Variants in RADIL observed in about 807,000 individuals in gnomAD.
The protein encoded by RADIL is ras-associating and dilute domain-containing protein.
A neutral mutation model predicts 97.6 loss-of-function variants in RADIL; 99 were observed. The ratio of observed to expected loss-of-function variants is 1.01; its 90% CI spans 0.86 to 1.20. The LOEUF is 1.20. Ranked by LOEUF, RADIL falls within the 50% of genes most tolerant of loss-of-function variation. The pLI is 0.00. For synonymous variants in RADIL, 803 were observed against 691.8 expected (o/e 1.16, Z -2.52); for missense variants, 1,765 against 1,498.9 (o/e 1.18, Z -2.93).
Position 4,849,001 on chromosome 7 carries a change from G to A in RADIL, c.536-12396C>T, listed in dbSNP as rs140526971. On this transcript the variant is annotated intron_variant, in intron 2 of 14. Coordinates refer to ENST00000399583, the MANE Select transcript of RADIL (RefSeq NM_018059.5). This position sits in a 1 kb window ranked among gnomAD's most constrained non-coding sequence, Gnocchi z 5.4. ...TGAAAATACAAAATTAGCCGGGCGT[G>A]GTGGCATATGCCTGTAATCCCAGCT... 5.6e-3 allele frequency among the ~76,000 whole-genome samples: 847 copies of A among 152,210 alleles called. 4 individuals carry two copies. The highest frequency in any genetic ancestry group is 0.019 in the African/African-American group (801 of 41,528).
chr7:4,857,166 G>C (rs769734027), intron 2 of RADIL, among the ~76,000 whole-genome samples: 71 of 152,298 alleles, frequency 4.7e-4, no homozygotes, highest in Non-Finnish European at 8.5e-4. Context: ...GTGCAGACAA[G>C]TTTTAAATCA....
At chr7:4,843,003 ATTTTTTT>A (rs376252570) in intron 2 of RADIL, among the ~76,000 whole-genome samples, 1 of 127,342 alleles carries the variant, frequency 7.9e-6, no homozygotes, top group Admixed American at 8.0e-5. Flanking sequence ...GCAAGAGACA[ATTTTTTT>A]TTTTTTTTTT....
Position 4,835,185 on chromosome 7 carries a change from G to T in RADIL, c.838C>A (p.Pro280Thr). Residue 280 changes from proline (P) to threonine (T), a missense_variant, in exon 4 of 15, where the codon CCC (proline) becomes ACC (threonine). Pro to Thr is a conservative substitution (Grantham distance 38, BLOSUM62 -1). Coordinates refer to ENST00000399583, the MANE Select transcript of RADIL (RefSeq NM_018059.5). This position sits in a 1 kb window ranked among gnomAD's most constrained non-coding sequence, Gnocchi z 5.8. ...RDRHTVGQRT[P>T]SSKPSISLSA... ...AGGCTGATGCTGGGCTTGCTGGAGG[G>T]GGTCCGCTGGCCCACCGTGTGCCGG... is the stretch of plus-strand genomic sequence containing the variant. The T allele has an allele frequency of 6.2e-7, 1 of 1,612,084 alleles. No individual in the cohort carries two copies.
intron 2 of RADIL, among the ~76,000 whole-genome samples, chr7:4,862,752 C>T (rs541997131): frequency 1.3e-5 from 2 of 152,154 alleles, no homozygotes; most frequent in East Asian, 3.9e-4. Flanking sequence ...ACAAAATTAG[C>T]CGGGCGTGGT....
intron 13 of RADIL, 29 bp downstream of exon 13, chr7:4,800,142 G>A: frequency 1.3e-6 from 2 of 1,591,356 alleles, no homozygotes; most frequent in Non-Finnish European, 1.7e-6. Flanking sequence ...GCCAGTATGG[G>A]GGTGCGGCGA....
chr7:4,808,404 G>A (rs906463205), intron 9 of RADIL, among the ~76,000 whole-genome samples: 9 of 152,000 alleles, frequency 5.9e-5, no homozygotes, highest in Non-Finnish European at 8.8e-5. Context: ...GAAGCTATAA[G>A]TGACTCTTTC....
chr7:4,878,213 A>G lies in RADIL; in HGVS notation c.-64-10T>C, dbSNP rs1784414031. 2.8e-6 allele frequency: 4 copies of G among 1,412,952 alleles called. No homozygotes were observed. Among genetic ancestry groups the G allele is most frequent in the African/African-American group, 1.5e-5 (1 of 68,928 alleles). The allele number at this position is 1,412,952 out of a possible 1,614,324, so 87.5% of individuals were successfully genotyped here. A position where few individuals can be genotyped will look rare whatever the true frequency, so the allele number is the denominator to read the frequency against. ...GTGGGGAGGCCGTGACCTGGGTGAAAAAGTGAGAGAGGTTAGCGCCAACCA... is the reference window on the plus strand; with the variant it reads ...GTGGGGAGGCCGTGACCTGGGTGAAGAAGTGAGAGAGGTTAGCGCCAACCA... On this transcript the variant is annotated splice_polypyrimidine_tract_variant and intron_variant, in intron 1 of 14. Coordinates refer to ENST00000399583, the MANE Select transcript of RADIL (RefSeq NM_018059.5). This position sits in a 1 kb window ranked among gnomAD's most constrained non-coding sequence, Gnocchi z 4.1.
chr7:4,869,619 G>A (rs1180878128), intron 2 of RADIL, among the ~76,000 whole-genome samples: 1 of 150,928 alleles, frequency 6.6e-6, no homozygotes, highest in Non-Finnish European at 1.5e-5. Flanking sequence ...TATGATGCAT[G>A]CTATAGCCCA....
intron 2 of RADIL, among the ~76,000 whole-genome samples, chr7:4,841,157 C>A (rs576558550): frequency 6.6e-6 from 1 of 152,366 alleles, no homozygotes; most frequent in Admixed American, 6.5e-5. Flanking sequence ...AGCCAGAATA[C>A]GCCCATGTCT....
chr7:4,862,181 C>T (rs1224506646), intron 2 of RADIL, among the ~76,000 whole-genome samples: 1 of 152,242 alleles, frequency 6.6e-6, no homozygotes, highest in Non-Finnish European at 1.5e-5. Flanking sequence ...CAAACTCAAC[C>T]CTTTATTGCC....
chr7:4,810,356 G>C (rs1782505959), intron 9 of RADIL, among the ~76,000 whole-genome samples: 1 of 151,768 alleles, frequency 6.6e-6, no homozygotes, highest in African/African-American at 2.4e-5. Flanking sequence ...AGATGATGTG[G>C]GGTGGTCTTA....
At chr7:4,870,674 C>T (rs1784232035) in intron 2 of RADIL, among the ~76,000 whole-genome samples, 1 of 152,206 alleles carries the variant, frequency 6.6e-6, no homozygotes, top group Admixed American at 6.5e-5. Flanking sequence ...GAACTCCTGA[C>T]CTCAGGTGAT....
rs1562427693 is a variant in RADIL at position 4,805,548 on chromosome 7, C to A, written c.2290+18G>T. ...CCACTGAGTCCCCAGCCCTCTCCTG[C>A]CCTGGGGCAGGGCTTACCTGACCTG... On this transcript the variant is annotated intron_variant, in intron 10 of 14. Transcript: ENST00000399583. The A allele has an allele frequency of 7.0e-6, 11 of 1,569,576 alleles. No individual in the cohort carries two copies. The East Asian group carries it at 1.8e-4, about 26-fold the overall frequency.
chr7:4,806,366 TTGGTCTCAAACTCC>T (rs553593854), intron 9 of RADIL, among the ~76,000 whole-genome samples: 16 of 152,240 alleles, frequency 1.1e-4, no homozygotes, highest in East Asian at 9.6e-4. Context: ...TCTCACTATG[TTGGTCTCAAACTCC>T]TGGTCTCAAA....
rs913717702 is a variant in RADIL at position 4,803,901 on chromosome 7, G to C, written c.2291-147C>G. On this transcript the variant is annotated intron_variant, in intron 10 of 14. Transcript: ENST00000399583. ...GTGGACACAGGAGGCTGGGATCCTG[G>C]CCACAGTGACTGGCCCCACCCTAGG... 4.1e-5 allele frequency: 32 copies of C among 777,254 alleles called. No homozygotes were observed. The African/African-American group carries it at 4.8e-4, about 12-fold the overall frequency. 48.1% of individuals were successfully genotyped at this position (777,254 alleles called of 1,614,324 possible). A position where few individuals can be genotyped will look rare whatever the true frequency, so the allele number is the denominator to read the frequency against.
chr7:4,839,188 C>A (rs187069303), intron 2 of RADIL, among the ~76,000 whole-genome samples: 7 of 152,232 alleles, frequency 4.6e-5, no homozygotes, highest in Non-Finnish European at 7.3e-5. Flanking sequence ...CCTAAAACAC[C>A]GCTGTATATA....
chr7:4,860,827 G>A, intron 2 of RADIL: 2 of 1,614,148 alleles, frequency 1.2e-6, no homozygotes, highest in Middle Eastern at 1.6e-4. Flanking sequence ...TAGACACGTT[G>A]TATGTGGAGT....
chr7:4,877,972 G>GT lies in RADIL; in HGVS notation c.167_168insA (p.Thr57HisfsTer35), dbSNP rs1784408769. On this transcript the variant is annotated frameshift_variant, in exon 2 of 15. Transcript: ENST00000399583. LOFTEE classifies it high-confidence loss of function. Reference sequence around the variant, plus strand: ...GGACACCAGGGGCCGACAGCTGGGTGGAGAGCTCGGCGGGGTCATCGCTGG... The same window carrying GT: ...GGACACCAGGGGCCGACAGCTGGGTGTGAGAGCTCGGCGGGGTCATCGCTGG... 6.2e-7 allele frequency: 1 copy of GT among 1,611,820 alleles called. No homozygotes were observed. Among genetic ancestry groups the GT allele is most frequent in the East Asian group, 2.2e-5 (1 of 44,870 alleles).
Position 4,872,496 on chromosome 7 carries a change from C to T in RADIL, c.535+5109G>A, listed in dbSNP as rs1784278606. 6.6e-6 allele frequency among the ~76,000 whole-genome samples: 1 copy of T among 152,134 alleles called. No homozygotes were observed. On this transcript the variant is annotated intron_variant, in intron 2 of 14. Transcript: ENST00000399583. This position sits in a 1 kb window ranked among gnomAD's most constrained non-coding sequence, Gnocchi z 5.8. ...GACAAAAACCACATGGCCCTGTCAT[C>T]GCCCCTCCCCAGTGCATCTAAGTGG...
Sources: gnomAD v4.1 joint callset for allele counts (sites outside exome capture counted in the v4.1 genomes callset) on GRCh38, gnomAD v4.1.1 for gene constraint, Gnocchi (gnomAD v3.1) non-coding constraint, MANE v1.5 for transcripts, NCBI Gene and HGNC (gene_info 2026-07-23, HGNC 2026-07-21) for gene names.